Variants in FERMT2 observed in about 807,000 individuals in gnomAD.
The protein encoded by FERMT2 is fermitin family homolog 2.
A neutral mutation model predicts 82.7 loss-of-function variants in FERMT2; 15 were observed. That is an observed-to-expected ratio of 0.18 (90% CI 0.12 to 0.28). FERMT2 has a LOEUF of 0.28. Ranked by LOEUF, FERMT2 falls within the 10% of genes least tolerant of loss-of-function variation. FERMT2 has a pLI of 1.00. For missense variants in FERMT2, 645 were observed against 809.4 expected (o/e 0.80, Z 2.46); for synonymous variants, 274 against 271.5 (o/e 1.01, Z -0.09).
intron 3 of FERMT2, among the ~76,000 whole-genome samples, chr14:52,900,207 G>A (rs1008938678): frequency 1.3e-5 from 2 of 151,552 alleles, no homozygotes; most frequent in Non-Finnish European, 3.0e-5. Context: ...GACTTCCCAG[G>A]CTCAGGCAAT....
intron 3 of FERMT2, among the ~76,000 whole-genome samples, chr14:52,897,352 G>C (rs1222228675): frequency 6.6e-6 from 1 of 152,012 alleles, no homozygotes; most frequent in Admixed American, 6.6e-5. Flanking sequence ...TGGATTAAAG[G>C]TTATAATAAT....
At chr14:52,927,623 A>AAAAAAAAAAAAAC (rs1889357451) in intron 2 of FERMT2, among the ~76,000 whole-genome samples, 1 of 144,974 alleles carries the variant, frequency 6.9e-6, no homozygotes, top group Non-Finnish European at 1.5e-5. Flanking sequence ...AAAAAAAAAA[A>AAAAAAAAAAAAAC]TCCAGGCATG....
intron 3 of FERMT2, among the ~76,000 whole-genome samples, chr14:52,915,680 T>C (rs1047904560): frequency 3.3e-5 from 5 of 152,194 alleles, no homozygotes; most frequent in African/African-American, 9.7e-5. Context: ...GCAGAAAATA[T>C]AGATGATACC....
intron 4 of FERMT2, among the ~76,000 whole-genome samples, chr14:52,892,739 A>G (rs1887020350): frequency 6.6e-6 from 1 of 152,144 alleles, no homozygotes; most frequent in African/African-American, 2.4e-5. Flanking sequence ...TACAGGCGTG[A>G]GCCACCGCGC....
intron 3 of FERMT2, among the ~76,000 whole-genome samples, chr14:52,913,071 T>A (rs1888414722): frequency 6.6e-6 from 1 of 152,180 alleles, no homozygotes; most frequent in African/African-American, 2.4e-5. Flanking sequence ...ATATTACATA[T>A]TAAATTGTTA....
At chr14:52,862,820 T>A (rs1290765442) in intron 12 of FERMT2, 1 of 152,204 alleles carries the variant, frequency 6.6e-6, no homozygotes, top group Non-Finnish European at 1.5e-5. Flanking sequence ...TGTCCTCCTG[T>A]CAGTTAAAGA....
chr14:52,872,490 C>T (rs1226868879), intron 10 of FERMT2, among the ~76,000 whole-genome samples: 1 of 152,076 alleles, frequency 6.6e-6, no homozygotes, highest in Admixed American at 6.6e-5. Flanking sequence ...GCCAAGATTG[C>T]ACCACTGCAC....
intron 3 of FERMT2, among the ~76,000 whole-genome samples, chr14:52,915,088 T>C (rs946025476): frequency 1.3e-5 from 2 of 152,074 alleles, no homozygotes; most frequent in African/African-American, 4.8e-5. Context: ...AGAAAAAGTA[T>C]AAAGCCCCTG....
chr14:52,895,271 A>G (rs1326417393), intron 3 of FERMT2, among the ~76,000 whole-genome samples: 2 of 152,238 alleles, frequency 1.3e-5, no homozygotes, highest in Non-Finnish European at 2.9e-5. Context: ...TAGGACTATT[A>G]AATGAGACAA....
At chr14:52,938,941 A>G (rs1889969489) in intron 2 of FERMT2, among the ~76,000 whole-genome samples, 3 of 152,218 alleles carry the variant, frequency 2.0e-5, no homozygotes, top group African/African-American at 7.2e-5. Context: ...ATGTGGAAGC[A>G]TAAAATCTGC....
At chr14:52,881,667 C>T (rs1886306212) in intron 4 of FERMT2, 198 bp from the exon 5 acceptor site, 1 of 903,552 alleles carries the variant, frequency 1.1e-6, no homozygotes, top group Non-Finnish European at 1.6e-6. Flanking sequence ...CGTAATAAAG[C>T]CTTAAGAATA....
intron 2 of FERMT2, among the ~76,000 whole-genome samples, chr14:52,931,386 C>T (rs1889559077): frequency 6.6e-6 from 1 of 152,150 alleles, no homozygotes; most frequent in Non-Finnish European, 1.5e-5. Flanking sequence ...GAGAAACCAT[C>T]CTGTAGACAA....
intron 2 of FERMT2, among the ~76,000 whole-genome samples, chr14:52,934,483 C>T (rs1352590486): frequency 2.0e-5 from 3 of 152,170 alleles, no homozygotes; most frequent in Non-Finnish European, 2.9e-5. Context: ...ACACTCCTTC[C>T]TAAGTCTGGA....
chr14:52,897,458 A>G (rs1468408408), intron 3 of FERMT2, among the ~76,000 whole-genome samples: 3 of 152,134 alleles, frequency 2.0e-5, no homozygotes, highest in Non-Finnish European at 2.9e-5. Context: ...ATTTATATAT[A>G]TTTTCTTCCT....
chr14:52,917,966 T>C (rs1888710572), intron 3 of FERMT2, among the ~76,000 whole-genome samples: 3 of 152,194 alleles, frequency 2.0e-5, no homozygotes, highest in African/African-American at 7.2e-5. Flanking sequence ...TGAGTGTGGG[T>C]GCTGACACCA....
chr14:52,935,620 C>T (rs550644200), intron 2 of FERMT2, among the ~76,000 whole-genome samples: 69 of 152,324 alleles, frequency 4.5e-4, no homozygotes, highest in African/African-American at 1.6e-3. Context: ...GATCTTAGAT[C>T]TGGCAGCCTC....
At chr14:52,890,964 T>C (rs548682713) in intron 4 of FERMT2, among the ~76,000 whole-genome samples, 6 of 152,290 alleles carry the variant, frequency 3.9e-5, no homozygotes, top group African/African-American at 7.2e-5. Context: ...TCGGCAACCC[T>C]TCCCCATATT....
At chr14:52,915,297 A>C (rs1888555279) in intron 3 of FERMT2, among the ~76,000 whole-genome samples, 1 of 152,236 alleles carries the variant, frequency 6.6e-6, no homozygotes, top group African/African-American at 2.4e-5. Context: ...TCATATAGAA[A>C]CATACAATTC....
intron 3 of FERMT2, among the ~76,000 whole-genome samples, chr14:52,917,421 A>G (rs1022717758): frequency 5.9e-5 from 9 of 152,232 alleles, no homozygotes; most frequent in Non-Finnish European, 1.0e-4. Flanking sequence ...ACTTCAAGTC[A>G]TATTTGTCAT....
Sources: allele counts gnomAD v4.1 joint callset (sites outside exome capture counted in the v4.1 genomes callset), GRCh38; gene constraint gnomAD v4.1.1; transcripts MANE v1.5; gene names NCBI Gene and HGNC (gene_info 2026-07-23, HGNC 2026-07-21).